RBM47: variants seen among roughly 807,000 people sequenced by gnomAD.
RBM47 encodes RNA-binding protein 47.
A neutral mutation model predicts 47.1 loss-of-function variants in RBM47; 21 were observed. That is an observed-to-expected ratio of 0.45 (90% CI 0.32 to 0.64). The LOEUF (loss-of-function observed/expected upper bound fraction) is 0.64. Ranked by LOEUF, RBM47 falls within the 30% of genes least tolerant of loss-of-function variation. The pLI is 0.05. For synonymous variants in RBM47, 375 were observed against 361.7 expected (o/e 1.04, Z -0.42); for missense variants, 708 against 870.9 (o/e 0.81, Z 2.35).
intron 2 of RBM47, among the ~76,000 whole-genome samples, chr4:40,531,104 A>T (rs1282928978): frequency 6.6e-6 from 1 of 152,090 alleles, no homozygotes. Context: ...GGAATAAATA[A>T]ATAAAATAGA....
intron 1 of RBM47, among the ~76,000 whole-genome samples, chr4:40,594,142 T>C (rs1734542334): frequency 1.3e-5 from 2 of 151,950 alleles, no homozygotes; most frequent in Admixed American, 1.3e-4. Flanking sequence ...ACTTCAAATA[T>C]GAAAATCTCC....
intron 2 of RBM47, among the ~76,000 whole-genome samples, chr4:40,534,695 G>A (rs1429773294): frequency 6.6e-6 from 1 of 152,092 alleles, no homozygotes; most frequent in African/African-American, 2.4e-5. Context: ...AGCACTTTGG[G>A]AGGCCGAGGC....
At chr4:40,476,220 C>T (rs1375332157) in intron 2 of RBM47, among the ~76,000 whole-genome samples, 2 of 152,056 alleles carry the variant, frequency 1.3e-5, no homozygotes, top group Non-Finnish European at 2.9e-5. Flanking sequence ...TTTAGAAAAG[C>T]TCCTGGCATA....
intron 2 of RBM47, among the ~76,000 whole-genome samples, chr4:40,524,385 C>G (rs887031460): frequency 7.9e-5 from 12 of 152,336 alleles, no homozygotes; most frequent in African/African-American, 2.4e-4. Context: ...TAGGCTTACA[C>G]TGAACCCTGA....
chr4:40,516,368 T>G (rs1725583374), intron 2 of RBM47, among the ~76,000 whole-genome samples: 1 of 151,158 alleles, frequency 6.6e-6, no homozygotes, highest in African/African-American at 2.4e-5. Flanking sequence ...CAAGCGATTC[T>G]CCTGCCCCAG....
At chr4:40,427,875 T>C (rs1715284441) in intron 6 of RBM47, among the ~76,000 whole-genome samples, 1 of 151,712 alleles carries the variant, frequency 6.6e-6, no homozygotes, top group Non-Finnish European at 1.5e-5. Flanking sequence ...TAATTTATAA[T>C]TATAATGATA....
intron 2 of RBM47, among the ~76,000 whole-genome samples, chr4:40,476,999 C>A (rs767502185): frequency 6.6e-6 from 1 of 152,058 alleles, no homozygotes; most frequent in Non-Finnish European, 1.5e-5. Flanking sequence ...CTTTGGGAGG[C>A]GGAGGCGGGT....
intron 2 of RBM47, among the ~76,000 whole-genome samples, chr4:40,471,870 A>G (rs1187384793): frequency 3.9e-5 from 6 of 152,030 alleles, no homozygotes; most frequent in Admixed American, 1.3e-4. Context: ...TGCTGTTCCA[A>G]TATTTCAGCC....
intron 1 of RBM47, among the ~76,000 whole-genome samples, chr4:40,610,385 G>T (rs764072049): frequency 2.6e-5 from 4 of 152,022 alleles, no homozygotes; most frequent in Admixed American, 6.6e-5. Flanking sequence ...CACTTTGGGA[G>T]GCCGAGGCAG....
chr4:40,537,658 C>A (rs1273030188), intron 2 of RBM47, among the ~76,000 whole-genome samples: 3 of 152,186 alleles, frequency 2.0e-5, no homozygotes, highest in African/African-American at 7.2e-5. Context: ...CTTAAACTCA[C>A]TGCTCTTACA....
intron 1 of RBM47, among the ~76,000 whole-genome samples, chr4:40,561,051 T>C (rs950175794): frequency 6.6e-6 from 1 of 151,940 alleles, no homozygotes; most frequent in African/African-American, 2.4e-5. Context: ...AGGAACTGCA[T>C]TAAAGGAGAC....
chr4:40,541,266 A>T, intron 2 of RBM47, among the ~76,000 whole-genome samples: 1 of 120,956 alleles, frequency 8.3e-6, no homozygotes, highest in African/African-American at 4.9e-5. Context: ...ATTCTCTCAA[A>T]AAAAAAAAAA....
In RBM47 at chr4:40,591,875, G is replaced by A. The variant is rs150221943; in HGVS notation, c.-240+37521C>T. The stretch of plus-strand genomic sequence containing the variant: ...TGAAGACATATGGCAGAAAGAGCAC[G>A]TAATGCTCAGGAACTGGCAAGAATT... On this transcript the variant is annotated intron_variant, in intron 1 of 6. Coordinates refer to ENST00000295971, the MANE Select transcript of RBM47 (RefSeq NM_001098634.2). Among the ~76,000 whole-genome samples the A allele has an allele frequency of 1.9e-4, 29 of 152,244 alleles. 1 individual carries two copies. The highest frequency in any genetic ancestry group is 1.5e-3 in the Admixed American group (23 of 15,280).
chr4:40,514,262 T>C (rs773709606), intron 2 of RBM47, among the ~76,000 whole-genome samples: 3 of 152,054 alleles, frequency 2.0e-5, no homozygotes, highest in African/African-American at 2.4e-5. Flanking sequence ...CTGTAAAATC[T>C]CAAGCACAAG....
chr4:40,527,342 A>G (rs1288281859), intron 2 of RBM47, among the ~76,000 whole-genome samples: 1 of 148,800 alleles, frequency 6.7e-6, no homozygotes, highest in African/African-American at 2.5e-5. Context: ...GCTGGAGTGC[A>G]GTGGTGTGAT....
chr4:40,549,524 GT>G (rs11381654), intron 1 of RBM47, among the ~76,000 whole-genome samples: 8,363 of 132,622 alleles, frequency 0.063, 502 homozygotes, highest in African/African-American at 0.2. Flanking sequence ...TTGTTTGTTC[GT>G]TTTTTTTTTT....
At chr4:40,555,212 G>A (rs182643035) in intron 1 of RBM47, among the ~76,000 whole-genome samples, 64 of 152,310 alleles carry the variant, frequency 4.2e-4, no homozygotes, top group Non-Finnish European at 1.9e-4. Context: ...GATTACAGGC[G>A]TGAGCCACCA....
chr4:40,438,184 A>C lies in RBM47; in HGVS notation c.710T>G (p.Val237Gly). The part of the protein sequence containing the change: ...AVDWAEPEID[V>G]DEDVMETVKI... ...CACGGTCTCCATCACGTCCTCGTCCACGTCGATCTCAGGTTCGGCCCAGTC... is the reference window on the plus strand; with the variant it reads ...CACGGTCTCCATCACGTCCTCGTCCCCGTCGATCTCAGGTTCGGCCCAGTC... Residue 237 changes from valine (V) to glycine (G), a missense_variant, in exon 4 of 7, where the codon GTG (valine) becomes GGG (glycine). Val to Gly is a moderately radical substitution (Grantham distance 109). Coordinates refer to ENST00000295971, the MANE Select transcript of RBM47 (RefSeq NM_001098634.2). The C allele has an allele frequency of 6.2e-7, 1 of 1,609,780 alleles. No individual in the cohort carries two copies. The highest frequency in any genetic ancestry group is 8.5e-7 in the Non-Finnish European group (1 of 1,179,984).
intron 2 of RBM47, among the ~76,000 whole-genome samples, chr4:40,524,936 T>C (rs1726550362): frequency 6.6e-6 from 1 of 152,216 alleles, no homozygotes. Context: ...GTTTTTCACA[T>C]GATCCTGATC....
Sources: allele counts gnomAD v4.1 joint callset (sites outside exome capture counted in the v4.1 genomes callset), GRCh38; gene constraint gnomAD v4.1.1; transcripts MANE v1.5; gene names NCBI Gene and HGNC (gene_info 2026-07-23, HGNC 2026-07-21).